Variants in TOP6BL observed in about 807,000 individuals in gnomAD.
The protein encoded by TOP6BL is type 2 DNA topoisomerase 6 subunit B-like.
the TOP6BL span, among the ~76,000 whole-genome samples, chr11:66,813,074 C>A: frequency 6.6e-6 from 1 of 152,168 alleles, no homozygotes; most frequent in African/African-American, 2.4e-5. Flanking sequence ...GAGGAAGTTT[C>A]CTTCTCAATC....
At chr11:66,801,163 T>C in the TOP6BL span, 5 of 1,528,190 alleles carry the variant, frequency 3.3e-6, no homozygotes, top group Non-Finnish European at 4.5e-6. Context: ...AGTACGAATG[T>C]GGGTAGAAAT....
chr11:66,746,316 C>T, the TOP6BL span, among the ~76,000 whole-genome samples: 1 of 151,670 alleles, frequency 6.6e-6, no homozygotes, highest in Non-Finnish European at 1.5e-5. Context: ...TGGCCGGGCG[C>T]GGTGGGTAGC....
At chr11:66,836,331 C>T in the TOP6BL span, among the ~76,000 whole-genome samples, 2 of 151,932 alleles carry the variant, frequency 1.3e-5, no homozygotes, top group African/African-American at 4.8e-5. Context: ...ATTCTCCTGC[C>T]TCAAGTAGCT....
the TOP6BL span, chr11:66,758,302 C>CTTTCTTTT: frequency 1.5e-5 from 1 of 67,318 alleles, no homozygotes; most frequent in African/African-American, 7.1e-5. Flanking sequence ...TTTTCTTTTT[C>CTTTCTTTT]TTTTTTTTTT....
chr11:66,833,040 C>CTTTTTTTTT, the TOP6BL span, among the ~76,000 whole-genome samples: 2 of 117,266 alleles, frequency 1.7e-5, no homozygotes, highest in Non-Finnish European at 3.5e-5. Context: ...ATCTTTCTGC[C>CTTTTTTTTT]TTTTTTTTTT....
the TOP6BL span, among the ~76,000 whole-genome samples, chr11:66,811,747 A>G: frequency 6.6e-6 from 1 of 152,212 alleles, no homozygotes; most frequent in Non-Finnish European, 1.5e-5. Context: ...CAACAGTTAT[A>G]ACTAATAACT....
At chr11:66,749,094 T>TTTGGATTGA in the TOP6BL span, among the ~76,000 whole-genome samples, 3 of 151,962 alleles carry the variant, frequency 2.0e-5, no homozygotes, top group Non-Finnish European at 4.4e-5. Flanking sequence ...TATTGAAGGG[T>TTTGGATTGA]ACTTTGGATT....
chr11:66,780,580 T>A, the TOP6BL span, among the ~76,000 whole-genome samples: 1 of 152,098 alleles, frequency 6.6e-6, no homozygotes, highest in Non-Finnish European at 1.5e-5. Flanking sequence ...TATTTATTTA[T>A]TTTATTTTAT....
chr11:66,749,737 GT>G, the TOP6BL span, among the ~76,000 whole-genome samples: 9 of 151,910 alleles, frequency 5.9e-5, no homozygotes, highest in South Asian at 1.0e-3. Flanking sequence ...AATTTTGTGT[GT>G]GTGTGTATTT....
the TOP6BL span, chr11:66,804,279 T>C: frequency 4.8e-5 from 49 of 1,012,578 alleles, no homozygotes; most frequent in Middle Eastern, 2.1e-4. Context: ...ATGTGAATTC[T>C]GCATCTACAA....
At chr11:66,825,934 C>A in the TOP6BL span, among the ~76,000 whole-genome samples, 1 of 151,870 alleles carries the variant, frequency 6.6e-6, no homozygotes, top group Non-Finnish European at 1.5e-5. Context: ...CTCCGCCTCT[C>A]AGGTTCACGC....
chr11:66,799,581 G>A, the TOP6BL span, among the ~76,000 whole-genome samples: 4 of 151,376 alleles, frequency 2.6e-5, no homozygotes, highest in African/African-American at 7.3e-5. Context: ...GCACAGTGGC[G>A]CGTGCCTGTA....
the TOP6BL span, among the ~76,000 whole-genome samples, chr11:66,793,911 G>A: frequency 6.6e-6 from 1 of 151,940 alleles, no homozygotes; most frequent in African/African-American, 2.4e-5. Flanking sequence ...TTTGAGACCA[G>A]CCTGGGCAAC....
the TOP6BL span, chr11:66,816,171 A>G: frequency 6.2e-7 from 1 of 1,609,580 alleles, no homozygotes; most frequent in Non-Finnish European, 8.5e-7. Flanking sequence ...TCCACAGTGC[A>G]TTTCCAGTCC....
the TOP6BL span, among the ~76,000 whole-genome samples, chr11:66,811,212 G>T: frequency 6.6e-6 from 1 of 152,128 alleles, no homozygotes; most frequent in South Asian, 2.1e-4. Context: ...CTGTTGCCCA[G>T]GCTGGAGTGC....
chr11:66,823,294 C>CAAA, the TOP6BL span, among the ~76,000 whole-genome samples: 11 of 41,230 alleles, frequency 2.7e-4, no homozygotes, highest in Non-Finnish European at 3.2e-4. Context: ...GACTCCACCT[C>CAAA]AAAAAAAAAA....
the TOP6BL span, chr11:66,796,330 A>G: frequency 6.2e-7 from 1 of 1,611,136 alleles, no homozygotes; most frequent in Non-Finnish European, 8.5e-7. Context: ...GTTATAAAGC[A>G]TTTTTTACGT....
the TOP6BL span, among the ~76,000 whole-genome samples, chr11:66,806,141 T>G: frequency 6.6e-6 from 1 of 152,116 alleles, no homozygotes; most frequent in Admixed American, 6.5e-5. Context: ...CCTCCATAGG[T>G]AAGAGTCGTG....
chr11:66,787,781 AAATT>A, the TOP6BL span, among the ~76,000 whole-genome samples: 1 of 151,926 alleles, frequency 6.6e-6, no homozygotes, highest in Non-Finnish European at 1.5e-5. Context: ...CTTCAGCTCT[AAATT>A]AGTTCATGTA....
Sources: gnomAD v4.1 joint callset for allele counts (sites outside exome capture counted in the v4.1 genomes callset) on GRCh38, gnomAD v4.1.1 for gene constraint, MANE v1.5 for transcripts, NCBI Gene and HGNC (gene_info 2026-07-23, HGNC 2026-07-21) for gene names.